The following KCNH5 variants were observed in gnomAD, a reference collection of about 807,000 sequenced individuals.
KCNH5 encodes the protein potassium voltage-gated channel subfamily H member 5.
A neutral mutation model predicts 96.1 loss-of-function variants in KCNH5; 46 were observed. The observed-to-expected ratio is 0.48, with a 90% CI of 0.38 to 0.61. The LOEUF is 0.61. KCNH5 is among the 20% of genes least tolerant of loss of function. KCNH5 has a pLI of 0.00. For synonymous variants in KCNH5, 439 were observed against 449.8 expected, an observed-to-expected ratio of 0.98 and a Z score of 0.30; for missense variants, 907 against 1,225.8, an observed-to-expected ratio of 0.74 and a Z score of 3.88.
intron 4 of KCNH5, among the ~76,000 whole-genome samples, chr14:62,998,866 G>T (rs1450054429): frequency 6.6e-6 from 1 of 152,088 alleles, no homozygotes; most frequent in African/African-American, 2.4e-5. Flanking sequence ...GGCCCAGAAT[G>T]TTATCTCTCT....
intron 7 of KCNH5, among the ~76,000 whole-genome samples, chr14:62,896,662 T>A (rs1888819488): frequency 6.6e-6 from 1 of 152,316 alleles, no homozygotes; most frequent in African/African-American, 2.4e-5. Context: ...TGAAGTGAAT[T>A]GCTTTTTTTT....
intron 4 of KCNH5, among the ~76,000 whole-genome samples, chr14:62,998,892 C>G (rs1890959383): frequency 6.6e-6 from 1 of 152,096 alleles, no homozygotes; most frequent in Admixed American, 6.6e-5. Context: ...ATGCTCCACT[C>G]CTTGTGAGGT....
intron 9 of KCNH5, among the ~76,000 whole-genome samples, chr14:62,799,534 T>C (rs112986708): frequency 0.016 from 2,057 of 127,456 alleles, 58 homozygotes; most frequent in African/African-American, 0.059. Flanking sequence ...GATCACACCA[T>C]TGCACTCCAG....
chr14:62,846,789 C>CTTTTTTTTTTTTTTTTTTT (rs766919022), intron 8 of KCNH5, among the ~76,000 whole-genome samples: 1 of 67,480 alleles, frequency 1.5e-5, no homozygotes. Flanking sequence ...TGTATTGTAT[C>CTTTTTTTTTTTTTTTTTTT]TTTTTTTTTT....
intron 4 of KCNH5, among the ~76,000 whole-genome samples, chr14:62,990,932 A>C (rs1363561895): frequency 6.6e-6 from 1 of 152,024 alleles, no homozygotes; most frequent in Admixed American, 6.6e-5. Flanking sequence ...AAACCATCAG[A>C]TCTCAGAGAA....
intron 10 of KCNH5, among the ~76,000 whole-genome samples, chr14:62,739,512 C>T (rs961225977): frequency 6.6e-6 from 1 of 151,988 alleles, no homozygotes; most frequent in African/African-American, 2.4e-5. Context: ...GAGGGCAATG[C>T]TACAGTAACA....
chr14:62,778,901 T>C (rs1364889928), intron 10 of KCNH5, among the ~76,000 whole-genome samples: 1 of 152,244 alleles, frequency 6.6e-6, no homozygotes, highest in Non-Finnish European at 1.5e-5. Context: ...AGTATAGACA[T>C]TAATTTATCT....
At chr14:63,032,070 T>C (rs1237231569) in intron 1 of KCNH5, among the ~76,000 whole-genome samples, 1 of 120,894 alleles carries the variant, frequency 8.3e-6, no homozygotes, top group Non-Finnish European at 1.8e-5. Context: ...ACAAAGAAAA[T>C]GGAGAGGAGT....
intron 10 of KCNH5, among the ~76,000 whole-genome samples, chr14:62,723,544 A>G (rs1884860703): frequency 6.6e-6 from 1 of 152,214 alleles, no homozygotes; most frequent in Admixed American, 6.5e-5. Context: ...GGATGTATAG[A>G]CATTCATTCA....
chr14:62,864,252 T>C (rs979728345), intron 7 of KCNH5, among the ~76,000 whole-genome samples: 12 of 152,196 alleles, frequency 7.9e-5, no homozygotes, highest in African/African-American at 2.4e-4. Context: ...AATTTTTAGA[T>C]AAAGAATAGG....
chr14:63,017,278 C>T (rs1338950805), intron 1 of KCNH5, among the ~76,000 whole-genome samples: 1 of 151,818 alleles, frequency 6.6e-6, no homozygotes. Context: ...ATAAATTACA[C>T]CTAAAAATTG....
chr14:62,919,111 T>C (rs888617948), intron 7 of KCNH5, among the ~76,000 whole-genome samples: 4 of 152,068 alleles, frequency 2.6e-5, no homozygotes, highest in Non-Finnish European at 5.9e-5. Flanking sequence ...AAAAGTGTAG[T>C]ATAGTTTCAT....
intron 9 of KCNH5, among the ~76,000 whole-genome samples, chr14:62,801,800 C>T (rs936736969): frequency 6.6e-6 from 1 of 152,112 alleles, no homozygotes; most frequent in African/African-American, 2.4e-5. Context: ...TCATTAACCT[C>T]CTCCACACTT....
intron 1 of KCNH5, among the ~76,000 whole-genome samples, chr14:63,044,051 G>A (rs952810781): frequency 1.3e-5 from 2 of 152,130 alleles, no homozygotes; most frequent in Non-Finnish European, 2.9e-5. Flanking sequence ...GAACTGCATA[G>A]AGTATTTCCA....
chr14:62,894,658 A>G (rs894921397), intron 7 of KCNH5, among the ~76,000 whole-genome samples: 1 of 152,244 alleles, frequency 6.6e-6, no homozygotes, highest in East Asian at 1.9e-4. Flanking sequence ...AACCAATTCT[A>G]TATAGCTTTT....
In KCNH5 at chr14:62,942,311, A is replaced by G. The variant is rs75638071; in HGVS notation, c.1369+7822T>C. The stretch of plus-strand genomic sequence containing the variant: ...CATTTCACAATTGAAAAAAATAAAT[A>G]AAGCTCAGAGAGATGTAAAGACTCT... On this transcript the variant is annotated intron_variant, in intron 7 of 10. Coordinates refer to ENST00000322893, the MANE Select transcript of KCNH5 (RefSeq NM_139318.5). 1.1e-3 allele frequency among the ~76,000 whole-genome samples: 166 copies of G among 152,316 alleles called. 2 individuals are homozygous for G. The highest frequency in any genetic ancestry group is 3.7e-3 in the African/African-American group (152 of 41,578).
At position 63,045,206 on chromosome 14, in the gene KCNH5, G is replaced by C. The variant is rs1322304530; in HGVS notation, c.-20C>G. ...CGGCATCCTGGGTCTGGAGAGCAGC[G>C]GCCAGGATCCGCGGCGGGGGAGGGG... is the stretch of plus-strand genomic sequence containing the variant. On this transcript the variant is annotated 5_prime_UTR_variant, in exon 1 of 11. Transcript: ENST00000322893. 2.5e-6 allele frequency: 4 copies of C among 1,606,848 alleles called. No homozygotes were observed. In the East Asian group the frequency reaches 6.7e-5, roughly 27 times the overall value.
At chr14:62,970,693 A>C (rs773445963) in intron 6 of KCNH5, among the ~76,000 whole-genome samples, 10 of 152,290 alleles carry the variant, frequency 6.6e-5, no homozygotes, top group Admixed American at 5.2e-4. Context: ...AAGCTGGTGC[A>C]ACATTTGAGA....
At chr14:62,837,329 G>A (rs1887484868) in intron 8 of KCNH5, among the ~76,000 whole-genome samples, 1 of 152,196 alleles carries the variant, frequency 6.6e-6, no homozygotes, top group South Asian at 2.1e-4. Flanking sequence ...TTGAATGTAA[G>A]CAGGGGCTTA....
Sources: gnomAD v4.1 joint callset for allele counts (sites outside exome capture counted in the v4.1 genomes callset) on GRCh38, gnomAD v4.1.1 for gene constraint, MANE v1.5 for transcripts, NCBI Gene and HGNC (gene_info 2026-07-23, HGNC 2026-07-21) for gene names.